The following SNRPB2 variants were observed in gnomAD, a reference collection of about 807,000 sequenced individuals.
SNRPB2 encodes the protein U2 small nuclear ribonucleoprotein B''.
Under a neutral mutation model 26.3 loss-of-function variants are expected in SNRPB2, and 16 were observed. The ratio of observed to expected loss-of-function variants is 0.61; its 90% CI spans 0.41 to 0.92. The LOEUF (loss-of-function observed/expected upper bound fraction) is 0.92, where lower values mean the gene tolerates loss of function less well. Ranked by LOEUF, SNRPB2 falls within the 40% of genes least tolerant of loss-of-function variation. The pLI is 0.00. For synonymous variants in SNRPB2, 75 were observed against 89.0 expected (o/e 0.84, Z 0.88); for missense variants, 179 against 268.1 (o/e 0.67, Z 2.32).
At chr20:16,737,714 A>G (rs934208102) in intron 4 of SNRPB2, among the ~76,000 whole-genome samples, 8 of 152,114 alleles carry the variant, frequency 5.3e-5, no homozygotes, top group Non-Finnish European at 8.8e-5. Flanking sequence ...TACTGTAGTT[A>G]TTATCTTTAA....
intron 1 of SNRPB2, among the ~76,000 whole-genome samples, 164 bp from the exon 2 acceptor site, chr20:16,731,504 G>A (rs952707628): frequency 2.6e-5 from 4 of 152,190 alleles, no homozygotes; most frequent in Admixed American, 1.3e-4. Context: ...TTCTTCTTCT[G>A]TATGAAAAGG....
chr20:16,738,898 C>T lies in SNRPB2; in HGVS notation c.425C>T (p.Pro142Leu), dbSNP rs774858280. 2 of 1,602,920 alleles carry T rather than the reference C, an allele frequency of 1.2e-6. No homozygotes were observed. Among genetic ancestry groups the T allele is most frequent in the South Asian group, 1.1e-5 (1 of 90,814 alleles). ...ANTQGNSTPN[P>L]QVPDYPPNYI... is the part of the protein sequence containing the mutation. ...ACCCAAGGAAATTCAACACCAAATC[C>T]TCAGGTAATTTTTTTTCCATGTCGT... The change falls in exon 5 of 7, where the codon CCT (proline) becomes CTT (leucine). Residue 142 changes from proline (P) to leucine (L), a missense_variant. Physicochemically the swap from Pro to Leu is moderately conservative, Grantham distance 98 (BLOSUM62 -3). This residue lies in a region of SNRPB2 where 145 missense variants were observed against 180.7 expected (regional missense o/e 0.80). Transcript: ENST00000246071.
rs2072444441 is a variant in SNRPB2 at position 16,738,752 on chromosome 20, G to A, written c.379-100G>A. 11 of 717,796 alleles carry A rather than the reference G, an allele frequency of 1.5e-5. No individual in the cohort carries two copies. In the South Asian group the frequency reaches 1.7e-4, roughly 11 times the overall value. The allele number at this position is 717,796 out of a possible 1,614,324, so 44.5% of individuals were successfully genotyped here. A position where few individuals can be genotyped will look rare whatever the true frequency, so the allele number is the denominator to read the frequency against. On this transcript the variant is annotated intron_variant, in intron 4 of 6. Coordinates refer to ENST00000246071, the MANE Select transcript of SNRPB2 (RefSeq NM_003092.5). ...AAATGGAGTAAGAAGGATATCTCTT[G>A]GAATTAATGTTATTTTTAATGCAGT...
chr20:16,737,986 C>G (rs1054528763), intron 4 of SNRPB2, among the ~76,000 whole-genome samples: 5 of 148,752 alleles, frequency 3.4e-5, no homozygotes, highest in African/African-American at 7.5e-5. Context: ...TTGCAGTGAG[C>G]CGAGATTGTG....
chr20:16,736,702 C>T (rs1254679242), intron 3 of SNRPB2, among the ~76,000 whole-genome samples: 1 of 152,160 alleles, frequency 6.6e-6, no homozygotes, highest in Non-Finnish European at 1.5e-5. Context: ...GGTGCTCCCT[C>T]TGTGACTGTG....
At chr20:16,733,580 C>G (rs2072406918) in intron 3 of SNRPB2, among the ~76,000 whole-genome samples, 1 of 152,144 alleles carries the variant, frequency 6.6e-6, no homozygotes, top group Non-Finnish European at 1.5e-5. Context: ...AGCAAACTTT[C>G]CGTAAAGGAC....
rs970134266 is a variant in SNRPB2 at position 16,741,223 on chromosome 20, T to G, written c.*218T>G. On this transcript the variant is annotated 3_prime_UTR_variant, in exon 7 of 7. Coordinates refer to ENST00000246071, the MANE Select transcript of SNRPB2 (RefSeq NM_003092.5). ...AACTTTTATTTGTATTCTGTGTATA[T>G]AATGCTTTCTTGATTGACCCATCTC... 1.5e-5 allele frequency: 6 copies of G among 404,376 alleles called. No homozygotes were observed. The highest frequency in any genetic ancestry group is 1.8e-5 in the Non-Finnish European group (4 of 226,012). The allele number at this position is 404,376 out of a possible 1,614,324, so 25.0% of individuals were successfully genotyped here.
At chr20:16,735,212 A>G (rs1269678627) in intron 3 of SNRPB2, among the ~76,000 whole-genome samples, 3 of 151,354 alleles carry the variant, frequency 2.0e-5, no homozygotes, top group African/African-American at 7.4e-5. Context: ...AATCCACACT[A>G]CTTTAAAATG....
In SNRPB2 at chr20:16,741,242, C is replaced by A; in HGVS notation, c.*237C>A. On this transcript the variant is annotated 3_prime_UTR_variant, in exon 7 of 7. Coordinates refer to ENST00000246071, the MANE Select transcript of SNRPB2 (RefSeq NM_003092.5). The stretch of plus-strand genomic sequence containing the variant: ...TGTATATAATGCTTTCTTGATTGAC[C>A]CATCTCCCTATCATCAAATGACTTC... 1 of 350,076 alleles carries A rather than the reference C, an allele frequency of 2.9e-6. No individual in the cohort carries two copies. The allele number at this position is 350,076 out of a possible 1,614,324, so 21.7% of individuals were successfully genotyped here.
At chr20:16,731,965 C>T (rs1403262547) in intron 2 of SNRPB2, among the ~76,000 whole-genome samples, 199 bp downstream of exon 2, 1 of 152,056 alleles carries the variant, frequency 6.6e-6, no homozygotes, top group Non-Finnish European at 1.5e-5. Context: ...TCTGTTTCTA[C>T]TCATAGATAT....
intron 6 of SNRPB2, 62 bp downstream of exon 6, chr20:16,740,475 C>T (rs561795559): frequency 1.7e-5 from 27 of 1,589,974 alleles, no homozygotes; most frequent in South Asian, 1.5e-4. Context: ...GTAGTACTTC[C>T]GTGGGTTGAA....
At chr20:16,730,220 G>A (rs1185882420) in intron 1 of SNRPB2, 56 bp downstream of exon 1, 2 of 152,420 alleles carry the variant, frequency 1.3e-5, no homozygotes, top group African/African-American at 4.8e-5. Flanking sequence ...TGGGGGTGAG[G>A]AGACTGACTC....
chr20:16,736,013 T>C (rs1028761981), intron 3 of SNRPB2, among the ~76,000 whole-genome samples: 2 of 152,242 alleles, frequency 1.3e-5, no homozygotes, highest in Non-Finnish European at 2.9e-5. Flanking sequence ...GTTGTTGTTT[T>C]TGTTCTGTGT....
intron 5 of SNRPB2, 92 bp from the exon 6 acceptor site, chr20:16,740,233 G>T: frequency 6.4e-7 from 1 of 1,554,880 alleles, no homozygotes. Context: ...TTGTTTTTCA[G>T]CTTTATTGTT....
rs963855328 is a variant in SNRPB2 at position 16,730,194 on chromosome 20, C to T, written c.-36+30C>T. On this transcript the variant is annotated intron_variant, in intron 1 of 6. Coordinates refer to ENST00000246071, the MANE Select transcript of SNRPB2 (RefSeq NM_003092.5). ...GTACGCGTTTGGCCCGGGTTTGGATCTCGGAGGGGCAGGCTTGGGGGTGAG... is the reference window on the plus strand; with the variant it reads ...GTACGCGTTTGGCCCGGGTTTGGATTTCGGAGGGGCAGGCTTGGGGGTGAG... 5.2e-5 allele frequency: 8 copies of T among 152,424 alleles called. No homozygotes were observed. In the East Asian group the frequency reaches 9.7e-4, roughly 18 times the overall value. 9.4% of individuals were successfully genotyped at this position (152,424 alleles called of 1,614,324 possible).
chr20:16,740,216 A>G, intron 5 of SNRPB2, 109 bp from the exon 6 acceptor site: 2 of 1,521,718 alleles, frequency 1.3e-6, no homozygotes, highest in Non-Finnish European at 1.8e-6. Context: ...TTATTTCTCC[A>G]GTGTCATTGT....
At chr20:16,731,308 G>C (rs956193886) in intron 1 of SNRPB2, among the ~76,000 whole-genome samples, 1 of 152,180 alleles carries the variant, frequency 6.6e-6, no homozygotes, top group African/African-American at 2.4e-5. Context: ...TTTACTGGAT[G>C]TACATTTGCT....
chr20:16,737,548 G>A (rs1212975048), intron 4 of SNRPB2, 147 bp downstream of exon 4: 4 of 605,106 alleles, frequency 6.6e-6, no homozygotes, highest in Non-Finnish European at 1.1e-5. Context: ...TAGAATGGTT[G>A]ACTTATAAAA....
chr20:16,735,393 G>C (rs1361204196), intron 3 of SNRPB2, among the ~76,000 whole-genome samples: 4 of 151,110 alleles, frequency 2.6e-5, no homozygotes, highest in African/African-American at 9.9e-5. Flanking sequence ...AGGAGGAAGA[G>C]TTTGCTTGAA....
Sources: allele counts gnomAD v4.1 joint callset (sites outside exome capture counted in the v4.1 genomes callset), GRCh38; gene constraint gnomAD v4.1.1; regional missense constraint gnomAD v4.1.1; transcripts MANE v1.5; gene names NCBI Gene and HGNC (gene_info 2026-07-23, HGNC 2026-07-21).